Variants in NDC1 observed in about 807,000 individuals in gnomAD.
NDC1 encodes nucleoporin NDC1.
A neutral mutation model predicts 89.8 loss-of-function variants in NDC1; 24 were observed. The ratio of observed to expected loss-of-function variants is 0.27; its 90% confidence interval spans 0.19 to 0.38. NDC1 has a LOEUF of 0.38. Among genes scored for constraint, NDC1 ranks in the 10% least tolerant of loss-of-function variants. NDC1 has a pLI of 1.00. For missense variants in NDC1, 728 were observed against 797.6 expected (o/e 0.91, Z 1.05); for synonymous variants, 296 against 284.8 (o/e 1.04, Z -0.39).
At chr1:53,811,746 C>T (rs1278491614) in intron 6 of NDC1, among the ~76,000 whole-genome samples, 1 of 151,838 alleles carries the variant, frequency 6.6e-6, no homozygotes, top group African/African-American at 2.4e-5. Context: ...CCTCTCCACA[C>T]TACTACAGCT....
At chr1:53,824,609 C>T (rs1167939824) in intron 5 of NDC1, among the ~76,000 whole-genome samples, 1 of 152,144 alleles carries the variant, frequency 6.6e-6, no homozygotes, top group Non-Finnish European at 1.5e-5. Context: ...GCAGCAGAAA[C>T]AGGCTGCGAA....
chr1:53,832,382 G>A lies in NDC1; in HGVS notation c.280+108C>T, dbSNP rs7532427. On this transcript the variant is annotated intron_variant, in intron 3 of 17. Transcript: ENST00000371429. ...ATTTGAAGCATATGATTCTGTATAC[G>A]TTTTTAAATTTTTGACACAAAACAC... 235 of 619,322 alleles carry A rather than the reference G, an allele frequency of 3.8e-4. No individual in the cohort carries two copies. The African/African-American group carries it at 3.8e-3, about 10-fold the overall frequency. The allele number at this position is 619,322 out of a possible 1,614,324, so 38.4% of individuals were successfully genotyped here.
At chr1:53,800,909 G>A (rs558283399) in intron 10 of NDC1, 61 bp from the exon 11 acceptor site, 7 of 1,462,378 alleles carry the variant, frequency 4.8e-6, no homozygotes, top group Non-Finnish European at 6.4e-6. Context: ...CTCTTGAAGT[G>A]GGGGAAAAAG....
chr1:53,832,053 A>G (rs1649084984), intron 3 of NDC1, among the ~76,000 whole-genome samples: 1 of 152,184 alleles, frequency 6.6e-6, no homozygotes, highest in Admixed American at 6.5e-5. Flanking sequence ...TAAAATAATA[A>G]AATTCACTAT....
At chr1:53,826,028 C>T (rs776791889) in intron 4 of NDC1, 92 bp from the exon 5 acceptor site, 8 of 1,252,822 alleles carry the variant, frequency 6.4e-6, no homozygotes, top group Non-Finnish European at 8.9e-6. Flanking sequence ...AGCTTAATTA[C>T]TTTAATGACT....
chr1:53,796,572 A>G (rs977746842), intron 13 of NDC1, 117 bp downstream of exon 13: 36 of 620,226 alleles, frequency 5.8e-5, no homozygotes, highest in Admixed American at 4.1e-4. Context: ...GAGTCAATAC[A>G]CGAAGCATAA....
chr1:53,834,228 GT>G (rs1433526061), intron 2 of NDC1, among the ~76,000 whole-genome samples: 2 of 152,238 alleles, frequency 1.3e-5, no homozygotes, highest in Non-Finnish European at 2.9e-5. Flanking sequence ...ATGGCAAAAA[GT>G]TTTTGTCCCC....
intron 16 of NDC1, among the ~76,000 whole-genome samples, chr1:53,780,911 G>A (rs1373120149): frequency 2.0e-5 from 3 of 150,592 alleles, no homozygotes; most frequent in African/African-American, 7.3e-5. Flanking sequence ...CCAGCCTGGA[G>A]TACAGTCACA....
intron 15 of NDC1, among the ~76,000 whole-genome samples, chr1:53,787,703 G>A (rs1313209044): frequency 6.9e-6 from 1 of 144,694 alleles, no homozygotes; most frequent in African/African-American, 2.7e-5. Context: ...ATAAAGGGAG[G>A]AGCAATTCAA....
At chr1:53,826,857 G>C (rs1648880576) in intron 4 of NDC1, among the ~76,000 whole-genome samples, 1 of 152,144 alleles carries the variant, frequency 6.6e-6, no homozygotes, top group African/African-American at 2.4e-5. Context: ...ATGAAGATTA[G>C]TTTTGTTAAA....
intron 16 of NDC1, among the ~76,000 whole-genome samples, chr1:53,775,399 G>GTA (rs1195434808): frequency 2.7e-4 from 41 of 152,008 alleles, no homozygotes; most frequent in Admixed American, 2.6e-3. Flanking sequence ...TGGGATTACA[G>GTA]GCGCCCGCAA....
At chr1:53,796,210 G>A (rs1209385608) in intron 13 of NDC1, among the ~76,000 whole-genome samples, 2 of 152,080 alleles carry the variant, frequency 1.3e-5, no homozygotes, top group Admixed American at 6.5e-5. Flanking sequence ...TCCTTCTTAT[G>A]CATGTTTTCC....
At chr1:53,790,823 A>G (rs1200002178) in intron 14 of NDC1, among the ~76,000 whole-genome samples, 3 of 152,216 alleles carry the variant, frequency 2.0e-5, no homozygotes, top group Non-Finnish European at 4.4e-5. Flanking sequence ...CACGTAAAAA[A>G]TGTTTTTATT....
intron 16 of NDC1, among the ~76,000 whole-genome samples, chr1:53,778,856 A>C (rs1255672975): frequency 6.6e-6 from 1 of 152,078 alleles, no homozygotes; most frequent in Non-Finnish European, 1.5e-5. Context: ...AAGAATTATC[A>C]TGTGGCTGGA....
At chr1:53,794,164 T>C (rs1647617928) in intron 13 of NDC1, among the ~76,000 whole-genome samples, 1 of 151,956 alleles carries the variant, frequency 6.6e-6, no homozygotes, top group Non-Finnish European at 1.5e-5. Flanking sequence ...TTAGTAGAGA[T>C]GGGGTTTTGC....
At position 53,828,272 on chromosome 1, in the gene NDC1, G is replaced by C. The variant is rs530357911; in HGVS notation, c.281-99C>G. ...TCATCCTTGCACAAATGTTCCAAAGGCAGAGAGAAATCCACAGTCAACGCA... is the reference window on the plus strand; with the variant it reads ...TCATCCTTGCACAAATGTTCCAAAGCCAGAGAGAAATCCACAGTCAACGCA... On this transcript the variant is annotated intron_variant, in intron 3 of 17. Coordinates refer to ENST00000371429, the MANE Select transcript of NDC1 (RefSeq NM_018087.5). 3.3e-4 allele frequency: 370 copies of C among 1,126,700 alleles called. 1 individual carries two copies. The highest frequency in any genetic ancestry group is 4.1e-4 in the Non-Finnish European group (333 of 817,952). The allele number at this position is 1,126,700 out of a possible 1,614,324, so 69.8% of individuals were successfully genotyped here.
At position 53,767,909 on chromosome 1, in the gene NDC1, C is replaced by T; in HGVS notation, c.*61G>A. ...TTTCTTCTGATCCAAGAATGCTGAA[C>T]ATTTACTGTCCCATCTGTAGTTGTA... On this transcript the variant is annotated 3_prime_UTR_variant, in exon 18 of 18. Coordinates refer to ENST00000371429, the MANE Select transcript of NDC1 (RefSeq NM_018087.5). 9.7e-7 allele frequency: 1 copy of T among 1,031,248 alleles called. No individual in the cohort carries two copies. Among genetic ancestry groups the T allele is most frequent in the East Asian group, 2.6e-5 (1 of 38,378 alleles). 63.9% of individuals were successfully genotyped at this position (1,031,248 alleles called of 1,614,324 possible).
chr1:53,788,266 C>A (rs1274414890), intron 15 of NDC1, among the ~76,000 whole-genome samples: 2 of 151,988 alleles, frequency 1.3e-5, no homozygotes, highest in East Asian at 1.9e-4. Context: ...TGAACTCCAG[C>A]TTGGGAGACA....
At chr1:53,772,597 G>A in intron 16 of NDC1, 108 bp from the exon 17 acceptor site, 1 of 1,003,874 alleles carries the variant, frequency 1.0e-6, no homozygotes, top group South Asian at 1.7e-5. Context: ...GACGAGGCGG[G>A]AGGACTGCTT....
Sources: allele counts gnomAD v4.1 joint callset (sites outside exome capture counted in the v4.1 genomes callset), GRCh38; gene constraint gnomAD v4.1.1; transcripts MANE v1.5; gene names NCBI Gene and HGNC (gene_info 2026-07-23, HGNC 2026-07-21).